Variants in ANK2 observed in about 807,000 individuals in gnomAD.
ANK2 encodes ankyrin 2.
A neutral mutation model predicts 360.5 loss-of-function variants in ANK2; 83 were observed. The observed-to-expected ratio is 0.23, with a 90% confidence interval of 0.19 to 0.28. The LOEUF (loss-of-function observed/expected upper bound fraction) is 0.28. Ranked by LOEUF, ANK2 falls within the 10% of genes least tolerant of loss-of-function variation. The probability of loss-of-function intolerance (pLI) is 1.00; values close to 1 mark genes in which losing one functional copy is unlikely to be tolerated. For synonymous variants in ANK2, 1,740 were observed against 1,759.5 expected (o/e 0.99, Z 0.28); for missense variants, 4,201 against 4,795.7 (o/e 0.88, Z 3.66).
chr4:112,715,905 A>G, the ANK2 span, among the ~76,000 whole-genome samples: 1 of 152,228 alleles, frequency 6.6e-6, no homozygotes, highest in South Asian at 2.1e-4. Flanking sequence ...CCTGGGCAAC[A>G]AAGCGAGACT....
Position 112,938,986 on chromosome 4 carries a change from T to C in ANK2, c.21+34472T>C, listed in dbSNP as rs1474359743. 2.0e-5 allele frequency among the ~76,000 whole-genome samples: 3 copies of C among 152,228 alleles called. No homozygotes were observed. In the East Asian group the frequency reaches 5.8e-4, roughly 29 times the overall value. On this transcript the variant is annotated intron_variant, in intron 2 of 30. Coordinates refer to the ANK2 transcript ENST00000503271. ...TCTTATATTTAAAATAAAAAGATTA[T>C]TTACATTTTTCCTTTCACTGGAAAT... is the stretch of plus-strand genomic sequence containing the variant.
At position 113,287,769 on chromosome 4, in the gene ANK2, C is replaced by T. The variant is rs541944377; in HGVS notation, c.2178+66C>T. Reference sequence around the variant, plus strand: ...GGGATGATTCCCAGTAGCCCCCATTCGGGTCACCCCATGTCCAGGGTCTTC... The same window carrying T: ...GGGATGATTCCCAGTAGCCCCCATTTGGGTCACCCCATGTCCAGGGTCTTC... On this transcript the variant is annotated intron_variant, in intron 19 of 45. Coordinates refer to ENST00000357077, the MANE Select transcript of ANK2 (RefSeq NM_001148.6). 1.5e-4 allele frequency: 200 copies of T among 1,350,136 alleles called. No individual in the cohort carries two copies. The African/African-American group carries it at 2.0e-3, about 13-fold the overall frequency. 83.6% of individuals were successfully genotyped at this position (1,350,136 alleles called of 1,614,324 possible). A position where few individuals can be genotyped will look rare whatever the true frequency, so the allele number is the denominator to read the frequency against.
intron 37 of ANK2, chr4:113,350,868 C>T (rs1368728630): frequency 1.3e-4 from 20 of 151,868 alleles, no homozygotes; most frequent in Admixed American, 1.3e-3. Flanking sequence ...AAGTGAAGAG[C>T]CAAGAATGCA....
chr4:113,011,444 C>T (rs919486955), intron 2 of ANK2, among the ~76,000 whole-genome samples: 1 of 152,010 alleles, frequency 6.6e-6, no homozygotes, highest in Non-Finnish European at 1.5e-5. Context: ...TGGGAGCTCT[C>T]CTAAGGAAAT....
rs905677706 is a variant in ANK2, at chr4:113,382,734, A to T, written c.*1263A>T. The T allele has an allele frequency of 2.4e-4, 37 of 151,958 alleles. No homozygotes were observed. The highest frequency in any genetic ancestry group is 8.7e-4 in the African/African-American group (36 of 41,314). The allele number at this position is 151,958 out of a possible 1,614,324, so 9.4% of individuals were successfully genotyped here. On this transcript the variant is annotated 3_prime_UTR_variant, in exon 46 of 46. Coordinates refer to ENST00000357077, the MANE Select transcript of ANK2 (RefSeq NM_001148.6). ...ACGGTCAAACCCCTCTTCTAATCAC[A>T]TTAATTGTTTCCATTCTTTTTACCC...
intron 5 of ANK2, among the ~76,000 whole-genome samples, chr4:113,233,106 G>GTTTTTTT (rs1156385030): frequency 3.8e-5 from 3 of 79,706 alleles, no homozygotes; most frequent in Non-Finnish European, 5.0e-5. Context: ...TGGCTTTTCT[G>GTTTTTTT]TTTTTTTTTT....
At chr4:113,228,556 A>G (rs1283222938) in intron 4 of ANK2, among the ~76,000 whole-genome samples, 1 of 152,172 alleles carries the variant, frequency 6.6e-6, no homozygotes, top group Non-Finnish European at 1.5e-5. Context: ...TGGTATATAT[A>G]CGTACCACAA....
chr4:112,806,047 G>C, the ANK2 span, among the ~76,000 whole-genome samples: 110,906 of 152,134 alleles, frequency 0.73, 41,327 homozygotes, highest in East Asian at 0.97. Context: ...TTCATCATTT[G>C]TTTGTGTTAG....
At chr4:113,048,837 T>C (rs1056133545), upstream of ANK2, among the ~76,000 whole-genome samples, 3 of 152,056 alleles carry the variant, frequency 2.0e-5, no homozygotes, top group African/African-American at 7.2e-5. Flanking sequence ...GTCTTAGATA[T>C]TTAACAAGCC....
At chr4:112,907,031 C>T (rs1230887951) in intron 2 of ANK2, among the ~76,000 whole-genome samples, 1 of 152,154 alleles carries the variant, frequency 6.6e-6, no homozygotes, top group Non-Finnish European at 1.5e-5. Context: ...AATTTAAGAA[C>T]ACTTTTTGAC....
At chr4:113,319,020 C>CAA (rs2084525245) in intron 26 of ANK2, among the ~76,000 whole-genome samples, 1 of 152,136 alleles carries the variant, frequency 6.6e-6, no homozygotes, top group Admixed American at 6.5e-5. Context: ...AAATAAATGC[C>CAA]TTTCTCAGAT....
At chr4:113,294,380 G>A (rs537327159) in intron 22 of ANK2, among the ~76,000 whole-genome samples, 5 of 152,252 alleles carry the variant, frequency 3.3e-5, no homozygotes, top group South Asian at 2.1e-4. Context: ...ATTTAGCTTC[G>A]TAAAGTAGAA....
chr4:112,745,149 C>T, the ANK2 span, among the ~76,000 whole-genome samples: 34 of 152,190 alleles, frequency 2.2e-4, 1 homozygote, highest in Admixed American at 1.3e-3. Context: ...TTGGTTACTT[C>T]TTCCTTGACT....
chr4:112,820,988 C>G (rs999522228), intron 1 of ANK2, among the ~76,000 whole-genome samples: 1 of 151,994 alleles, frequency 6.6e-6, no homozygotes, highest in African/African-American at 2.4e-5. Context: ...CTTGGCTCAC[C>G]GCAACCTCCG....
chr4:112,921,834 C>CTTTAA (rs993961238), intron 2 of ANK2, among the ~76,000 whole-genome samples: 62 of 152,176 alleles, frequency 4.1e-4, no homozygotes, highest in Middle Eastern at 3.4e-3. Flanking sequence ...AATAATTAGG[C>CTTTAA]TTTAATTCAT....
At chr4:113,084,557 T>G (rs1302714938) in intron 1 of ANK2, among the ~76,000 whole-genome samples, 2 of 152,222 alleles carry the variant, frequency 1.3e-5, no homozygotes, top group African/African-American at 4.8e-5. Flanking sequence ...AGGAGATATT[T>G]TGGATTTCTG....
chr4:113,017,709 T>G (rs2057013188), intron 2 of ANK2, among the ~76,000 whole-genome samples: 1 of 152,204 alleles, frequency 6.6e-6, no homozygotes, highest in South Asian at 2.1e-4. Flanking sequence ...GAAAATGGAT[T>G]AGAAAAACTT....
chr4:113,372,407 A>T (rs1257874446), intron 43 of ANK2: 7 of 622,658 alleles, frequency 1.1e-5, no homozygotes, highest in Non-Finnish European at 1.7e-5. Context: ...TTTCACCTCT[A>T]CCAACTTGTC....
chr4:112,746,507 C>CA, the ANK2 span, among the ~76,000 whole-genome samples: 76,556 of 121,482 alleles, frequency 0.63, 22,597 homozygotes, highest in East Asian at 0.92. Context: ...GATGCTGTCT[C>CA]AAAAAAAAAA....
Sources: allele counts gnomAD v4.1 joint callset (sites outside exome capture counted in the v4.1 genomes callset), GRCh38; gene constraint gnomAD v4.1.1; transcripts MANE v1.5; gene names NCBI Gene and HGNC (gene_info 2026-07-23, HGNC 2026-07-21).